The following RAB38 variants were observed in gnomAD, a reference collection of about 807,000 sequenced individuals.
RAB38 encodes RAB38, member RAS oncogene family.
Under a neutral mutation model 18.4 loss-of-function variants are expected in RAB38, and 15 were observed. That is an observed-to-expected ratio of 0.82 (90% confidence interval 0.55 to 1.26). The LOEUF is 1.26. RAB38 is among the 50% of genes most tolerant of loss of function. The pLI, the probability that RAB38 is intolerant of heterozygous loss-of-function variation, is 0.00. For missense variants in RAB38, 294 were observed against 267.4 expected, an observed-to-expected ratio of 1.10 and a Z score of -0.69; for synonymous variants, 101 against 104.4, an observed-to-expected ratio of 0.97 and a Z score of 0.20.
At chr11:88,006,404 C>G in the RAB38 span, among the ~76,000 whole-genome samples, 2 of 151,270 alleles carry the variant, frequency 1.3e-5, no homozygotes, top group Admixed American at 1.3e-4. Flanking sequence ...ACCATATGAT[C>G]CAGAAATCTC....
At chr11:88,175,155 C>T in intron 1 of RAB38, 28 bp downstream of exon 1, 2 of 1,551,684 alleles carry the variant, frequency 1.3e-6, no homozygotes, top group Non-Finnish European at 1.7e-6. Flanking sequence ...GGCGCTCTAT[C>T]CCCCTGACCC....
intron 1 of RAB38, among the ~76,000 whole-genome samples, chr11:88,151,348 T>C (rs192709163): frequency 6.6e-6 from 1 of 152,236 alleles, no homozygotes; most frequent in East Asian, 1.9e-4. Context: ...AGATCAGAGT[T>C]TGTGACAAAA....
chr11:87,811,665 TC>T, the RAB38 span, among the ~76,000 whole-genome samples: 1 of 152,180 alleles, frequency 6.6e-6, no homozygotes, highest in African/African-American at 2.4e-5. Flanking sequence ...TCATAATTGT[TC>T]CCTCATTGTG....
the RAB38 span, among the ~76,000 whole-genome samples, chr11:87,887,922 T>C: frequency 9.2e-6 from 1 of 108,864 alleles, no homozygotes; most frequent in African/African-American, 2.7e-5. Context: ...AAGAATCTTC[T>C]AGTTGGTGCA....
At chr11:88,142,984 T>A (rs1942935398) in intron 2 of RAB38, among the ~76,000 whole-genome samples, 1 of 152,226 alleles carries the variant, frequency 6.6e-6, no homozygotes, top group South Asian at 2.1e-4. Flanking sequence ...TTTACTCATT[T>A]ATCTATCCCA....
chr11:87,804,867 A>G, the RAB38 span, among the ~76,000 whole-genome samples: 2 of 152,240 alleles, frequency 1.3e-5, no homozygotes, highest in African/African-American at 4.8e-5. Context: ...CCATGTAAAC[A>G]AAACTGTTAC....
At chr11:88,078,501 A>ATATGTGTGTGTGTGTGTG in the RAB38 span, among the ~76,000 whole-genome samples, 29,122 of 148,542 alleles carry the variant, frequency 0.2, 3,294 homozygotes, top group African/African-American at 0.32. Flanking sequence ...GTGTGTATAT[A>ATATGTGTGTGTGTGTGTG]TGTGTGTGTG....
At chr11:87,846,553 T>A in the RAB38 span, among the ~76,000 whole-genome samples, 1,055 of 152,008 alleles carry the variant, frequency 6.9e-3, 12 homozygotes, top group African/African-American at 0.024. Context: ...TGCTATGCAG[T>A]ACATAAATAA....
At chr11:88,003,524 T>A in the RAB38 span, among the ~76,000 whole-genome samples, 267 of 10,692 alleles carry the variant, frequency 0.025, 84 homozygotes, top group Non-Finnish European at 0.038. Flanking sequence ...ATATTATATA[T>A]TGTATAATAG....
chr11:88,094,260 CTAAT>C, the RAB38 span, among the ~76,000 whole-genome samples: 1 of 151,914 alleles, frequency 6.6e-6, no homozygotes, highest in Non-Finnish European at 1.5e-5. Flanking sequence ...TACTTTCCCC[CTAAT>C]TATTCAAAAA....
chr11:88,151,140 A>C (rs1426753184), intron 1 of RAB38, among the ~76,000 whole-genome samples: 1 of 152,226 alleles, frequency 6.6e-6, no homozygotes, highest in Non-Finnish European at 1.5e-5. Flanking sequence ...AAGTTTCTTA[A>C]GCACTCTAAG....
At chr11:87,821,852 A>T in the RAB38 span, among the ~76,000 whole-genome samples, 1 of 133,856 alleles carries the variant, frequency 7.5e-6, no homozygotes, top group African/African-American at 2.5e-5. Context: ...CTCCGTCTTA[A>T]AAAAAAAAAA....
chr11:88,005,202 A>T, the RAB38 span, among the ~76,000 whole-genome samples: 9,021 of 151,504 alleles, frequency 0.06, 311 homozygotes, highest in South Asian at 0.096. Flanking sequence ...AAATAGGAAT[A>T]AACTCAGAGA....
chr11:87,886,512 C>T, the RAB38 span, among the ~76,000 whole-genome samples: 1 of 151,856 alleles, frequency 6.6e-6, no homozygotes, highest in Non-Finnish European at 1.5e-5. Context: ...TGTTTTCCCC[C>T]AGAAAACCTG....
chr11:87,837,053 C>A, the RAB38 span, among the ~76,000 whole-genome samples: 1 of 152,136 alleles, frequency 6.6e-6, no homozygotes, highest in African/African-American at 2.4e-5. Context: ...CTTCAGTGAG[C>A]CATTGTGCAG....
chr11:87,917,828 T>C, the RAB38 span: 6 of 152,160 alleles, frequency 3.9e-5, no homozygotes, highest in Admixed American at 2.6e-4. Context: ...GATGCATTGA[T>C]TGTTCCTCAT....
At chr11:87,813,368 ATTAC>A in the RAB38 span, among the ~76,000 whole-genome samples, 1 of 152,194 alleles carries the variant, frequency 6.6e-6, no homozygotes, top group Admixed American at 6.5e-5. Context: ...CAAGGTTAAG[ATTAC>A]TTTCTCTCCT....
chr11:87,846,957 C>A, the RAB38 span, among the ~76,000 whole-genome samples: 2 of 151,920 alleles, frequency 1.3e-5, no homozygotes, highest in African/African-American at 4.8e-5. Context: ...ACAAGAAAAT[C>A]TATAGAATAT....
chr11:87,839,142 T>C, the RAB38 span, among the ~76,000 whole-genome samples: 2 of 152,214 alleles, frequency 1.3e-5, no homozygotes. Flanking sequence ...TTTTTATACA[T>C]TTTGCTGTTA....
Sources: allele counts gnomAD v4.1 joint callset (sites outside exome capture counted in the v4.1 genomes callset), GRCh38; gene constraint gnomAD v4.1.1; transcripts MANE v1.5; gene names NCBI Gene and HGNC (gene_info 2026-07-23, HGNC 2026-07-21).